HNRNPA2B1: variants seen among roughly 807,000 people sequenced by gnomAD.
The protein encoded by HNRNPA2B1 is heterogeneous nuclear ribonucleoproteins A2/B1.
Under a neutral mutation model 46.3 loss-of-function variants are expected in HNRNPA2B1, and 3 were observed. The observed-to-expected ratio is 0.06, with a 90% confidence interval of 0.03 to 0.17. The LOEUF (loss-of-function observed/expected upper bound fraction) is 0.17, where lower values mean the gene tolerates loss of function less well. HNRNPA2B1 is among the 10% of genes least tolerant of loss of function. HNRNPA2B1 has a pLI of 1.00. For synonymous variants in HNRNPA2B1, 225 were observed against 133.8 expected (o/e 1.68, Z -4.70); for missense variants, 221 against 418.9 (o/e 0.53, Z 4.12).
intron 1 of HNRNPA2B1, chr7:26,198,955 G>A (rs1298561475): frequency 2.0e-5 from 3 of 152,198 alleles, no homozygotes; most frequent in African/African-American, 7.2e-5. Context: ...TAGTTTTCAT[G>A]ACTCGTAAAA....
intron 6 of HNRNPA2B1, 50 bp from the exon 7 acceptor site, chr7:26,195,959 A>T (rs1189313535): frequency 6.5e-7 from 1 of 1,547,916 alleles, no homozygotes; most frequent in Admixed American, 2.3e-5. Context: ...GTTCAGCATT[A>T]TTGCTAATAT....
chr7:26,195,335 T>G (rs1384852279), intron 7 of HNRNPA2B1, among the ~76,000 whole-genome samples: 1 of 152,220 alleles, frequency 6.6e-6, no homozygotes, highest in African/African-American at 2.4e-5. Context: ...CAGCCTTTTC[T>G]GTACGCCAAT....
intron 9 of HNRNPA2B1, 119 bp from the exon 10 acceptor site, chr7:26,192,696 C>G: frequency 1.2e-6 from 1 of 808,692 alleles, no homozygotes; most frequent in South Asian, 1.5e-5. Context: ...AGATCCTAAT[C>G]CTTTGCAGCC....
chr7:26,199,238 T>C (rs918255702), intron 1 of HNRNPA2B1: 21 of 152,616 alleles, frequency 1.4e-4, no homozygotes, highest in East Asian at 1.9e-4. Context: ...TTTTAAACAA[T>C]GTTATTTTAT....
intron 7 of HNRNPA2B1, among the ~76,000 whole-genome samples, chr7:26,195,535 G>A (rs1046036025): frequency 2.6e-5 from 4 of 152,080 alleles, no homozygotes; most frequent in African/African-American, 9.7e-5. Context: ...GTTTTACTCT[G>A]TTAAATCCAG....
intron 7 of HNRNPA2B1, among the ~76,000 whole-genome samples, chr7:26,195,346 G>A (rs968022237): frequency 6.6e-6 from 1 of 152,108 alleles, no homozygotes; most frequent in Non-Finnish European, 1.5e-5. Flanking sequence ...GTACGCCAAT[G>A]ATATATCACA....
chr7:26,193,468 C>G lies in HNRNPA2B1; in HGVS notation c.842-95G>C, dbSNP rs549115018. The stretch of plus-strand genomic sequence containing the variant: ...AAAACAAATAAAAGCAAACACTTAT[C>G]CACAAATTTTATGGGCATCTAGTGA... On this transcript the variant is annotated intron_variant, in intron 8 of 10. Transcript: ENST00000618183. The G allele has an allele frequency of 4.7e-5, 72 of 1,527,350 alleles. No individual in the cohort carries two copies. In the East Asian group the frequency reaches 1.5e-3, roughly 32 times the overall value. The allele number at this position is 1,527,350 out of a possible 1,614,324, so 94.6% of individuals were successfully genotyped here.
Position 26,192,511 on chromosome 7 carries a change from G to A in HNRNPA2B1, c.*5C>T, listed in dbSNP as rs760843236. ...GCTACTTACCCATGGCAAATAGGAA[G>A]AAGCTCAGTATCGGCTCCTCCCACC... On this transcript the variant is annotated 3_prime_UTR_variant, in exon 10 of 11. Transcript: ENST00000618183. 18 of 1,611,742 alleles carry A rather than the reference G, an allele frequency of 1.1e-5. No homozygotes were observed. The highest frequency in any genetic ancestry group is 1.5e-5 in the Non-Finnish European group (18 of 1,177,958).
rs1329668867 is a variant in HNRNPA2B1, at chr7:26,193,303, C to T, written c.912G>A (p.Met304Ile). Residue 304 changes from methionine to isoleucine, a missense_variant, in exon 9 of 11, where the codon ATG (methionine) becomes ATA (isoleucine). Met to Ile is a conservative substitution (Grantham distance 10). This residue lies in a region of HNRNPA2B1 where 143 missense variants were observed against 200.5 expected (regional missense o/e 0.71). Coordinates refer to ENST00000618183, the MANE Select transcript of HNRNPA2B1 (RefSeq NM_002137.4). ...YNQQPSNYGP[M>I]KSGNFGGSRN... ...TGCTACCACCAAAGTTTCCACTCTT[C>T]ATTGGACCGTAGTTAGAAGGTTGCT... 1 of 1,612,950 alleles carries T rather than the reference C, an allele frequency of 6.2e-7. No individual in the cohort carries two copies. Among genetic ancestry groups the T allele is most frequent in the Non-Finnish European group, 8.5e-7 (1 of 1,179,000 alleles).
intron 7 of HNRNPA2B1, among the ~76,000 whole-genome samples, chr7:26,195,270 TC>T (rs1383644486): frequency 6.6e-6 from 1 of 152,138 alleles, no homozygotes; most frequent in African/African-American, 2.4e-5. Flanking sequence ...AGAAATCAAG[TC>T]TATTACCAGC....
At position 26,196,544 on chromosome 7, in the gene HNRNPA2B1, G is replaced by C; in HGVS notation, c.577+13C>G. 6.2e-7 allele frequency: 1 copy of C among 1,611,806 alleles called. No homozygotes were observed. Among genetic ancestry groups the C allele is most frequent in the African/African-American group, 1.3e-5 (1 of 74,914 alleles). On this transcript the variant is annotated intron_variant, in intron 5 of 10. Transcript: ENST00000618183. ...TATGAACAAAAATAAAGAAGAAACA[G>C]AATTAAAATTACCTCCTCTTCCACT...
At chr7:26,194,686 C>T (rs1268127733) in intron 7 of HNRNPA2B1, among the ~76,000 whole-genome samples, 2 of 151,650 alleles carry the variant, frequency 1.3e-5, no homozygotes, top group Admixed American at 1.3e-4. Context: ...AAGCCAGACC[C>T]CATTTCAAAG....
Position 26,197,874 on chromosome 7 carries a change from GA to G in HNRNPA2B1, c.7-143del, listed in dbSNP as rs57800062. The G allele has an allele frequency of 4.7e-4, 669 of 1,416,220 alleles. No individual in the cohort carries two copies. Among genetic ancestry groups the G allele is most frequent in the Admixed American group, 1.3e-3 (60 of 45,806 alleles). The allele number at this position is 1,416,220 out of a possible 1,614,324, so 87.7% of individuals were successfully genotyped here. ...AACAGTTTCTAAAGTTTTCTGGGGG[GA>G]AAAAAAAAACTTACATCAAATTTAA... On this transcript the variant is annotated intron_variant, in intron 1 of 10. Coordinates refer to ENST00000618183, the MANE Select transcript of HNRNPA2B1 (RefSeq NM_002137.4).
At chr7:26,196,760 A>G (rs757383904) in intron 4 of HNRNPA2B1, 47 bp downstream of exon 4, 2 of 1,580,104 alleles carry the variant, frequency 1.3e-6, no homozygotes. Flanking sequence ...CATACACAAA[A>G]TTGAATACAC....
chr7:26,196,949 A>G lies in HNRNPA2B1; in HGVS notation c.333T>C (p.Thr111=), dbSNP rs1448402235. 6.2e-7 allele frequency: 1 copy of G among 1,613,782 alleles called. No homozygotes were observed. Among genetic ancestry groups the G allele is most frequent in the Admixed American group, 1.7e-5 (1 of 60,016 alleles). ...AGTAATCTCTAAGGTGATGTTCCTC[A>G]GTATCTTCTTTAATTCCGCCAACAA... ...KLFVGGIKED[T]EEHHLRDYFE... The change falls in exon 4 of 11, where the codon ACT becomes ACC. Residue 111 remains threonine (T), a synonymous_variant. Transcript: ENST00000618183.
chr7:26,195,321 G>A (rs184551379), intron 7 of HNRNPA2B1, among the ~76,000 whole-genome samples: 1 of 152,178 alleles, frequency 6.6e-6, no homozygotes, highest in African/African-American at 2.4e-5. Context: ...CTGTCAGTGT[G>A]TATCAGCCTT....
intron 7 of HNRNPA2B1, among the ~76,000 whole-genome samples, chr7:26,194,195 G>A (rs1783237869): frequency 6.6e-6 from 1 of 152,070 alleles, no homozygotes; most frequent in South Asian, 2.1e-4. Context: ...AAGAGATTGA[G>A]ACCACCCTGG....
In HNRNPA2B1 at chr7:26,196,577, C is replaced by T; in HGVS notation, c.557G>A (p.Ser186Asn). ...LSRQEMQEVQ[S>N]SRSGRGGNFG... ...ATTACCTCCTCTTCCACTCCTAGAACTCTGAACTTCCTGCATTTCTTGTCT... is the reference window on the plus strand; with the variant it reads ...ATTACCTCCTCTTCCACTCCTAGAATTCTGAACTTCCTGCATTTCTTGTCT... The change falls in exon 5 of 11, where the codon AGT becomes AAT. Residue 186 changes from serine (S) to asparagine (N), a missense_variant. Physicochemically the swap from Ser to Asn is conservative, Grantham distance 46. This residue lies in a region of HNRNPA2B1 where 143 missense variants were observed against 200.5 expected (regional missense o/e 0.71). Transcript: ENST00000618183. 1 of 1,613,884 alleles carries T rather than the reference C, an allele frequency of 6.2e-7. No homozygotes were observed.
In HNRNPA2B1 at chr7:26,196,559, C is replaced by T. The variant is rs1367161528; in HGVS notation, c.575G>A (p.Gly192Glu). 6.2e-7 allele frequency: 1 copy of T among 1,613,114 alleles called. No homozygotes were observed. The highest frequency in any genetic ancestry group is 8.5e-7 in the Non-Finnish European group (1 of 1,179,108). Reference protein sequence around the residue: ...QEVQSSRSGRGGNFGFGDSRG... With the variant: ...QEVQSSRSGREGNFGFGDSRG... ...AGAAGAAACAGAATTAAAATTACCT[C>T]CTCTTCCACTCCTAGAACTCTGAAC... The change falls in exon 5 of 11, where the codon GGA becomes GAA. Residue 192 changes from glycine to glutamate, a missense_variant and splice_region_variant. Gly to Glu is a moderately conservative substitution (Grantham distance 98). Transcript: ENST00000618183.
Sources: gnomAD v4.1 joint callset for allele counts (sites outside exome capture counted in the v4.1 genomes callset) on GRCh38, gnomAD v4.1.1 for gene constraint, gnomAD v4.1.1 regional missense constraint, MANE v1.5 for transcripts, NCBI Gene and HGNC (gene_info 2026-07-23, HGNC 2026-07-21) for gene names.